Variants in FRMD4B observed in about 807,000 individuals in gnomAD.
FRMD4B encodes FERM domain containing 4B, also known as FERM domain-containing protein 4B.
A neutral mutation model predicts 141.5 loss-of-function variants in FRMD4B; 74 were observed. That is an observed-to-expected ratio of 0.52 (90% confidence interval 0.43 to 0.63). The LOEUF (loss-of-function observed/expected upper bound fraction) is 0.63. FRMD4B is among the 30% of genes least tolerant of loss of function. The probability of loss-of-function intolerance (pLI) is 0.00; values close to 1 mark genes in which losing one functional copy is unlikely to be tolerated. For synonymous variants in FRMD4B, 506 were observed against 467.9 expected (o/e 1.08, Z -1.05); for missense variants, 1,366 against 1,253.4 (o/e 1.09, Z -1.36).
At chr3:69,335,539 T>G (rs1258056290) in intron 1 of FRMD4B, among the ~76,000 whole-genome samples, 1 of 151,750 alleles carries the variant, frequency 6.6e-6, no homozygotes, top group African/African-American at 2.4e-5. Context: ...GCCTGGCTAA[T>G]TTTTGCATCC....
At chr3:69,372,833 A>G (rs1703864930) in intron 1 of FRMD4B, among the ~76,000 whole-genome samples, 1 of 152,148 alleles carries the variant, frequency 6.6e-6, no homozygotes, top group Admixed American at 6.5e-5. Context: ...ATATTCATTT[A>G]TTTTTCACCA....
chr3:69,215,282 C>CTTTTTTTTTTTTTTTTTTTT (rs1559724064), intron 11 of FRMD4B, among the ~76,000 whole-genome samples: 7 of 37,492 alleles, frequency 1.9e-4, no homozygotes, highest in East Asian at 1.7e-3. Context: ...GATTGTGACC[C>CTTTTTTTTTTTTTTTTTTTT]TCTTTTTTTT....
At chr3:69,214,576 C>G (rs2093119967) in intron 11 of FRMD4B, among the ~76,000 whole-genome samples, 1 of 152,122 alleles carries the variant, frequency 6.6e-6, no homozygotes, top group African/African-American at 2.4e-5. Flanking sequence ...GAAGCAGATT[C>G]AGCTGAGCAC....
intron 1 of FRMD4B, among the ~76,000 whole-genome samples, chr3:69,520,567 T>C (rs1455281983): frequency 6.6e-6 from 1 of 151,820 alleles, no homozygotes; most frequent in Non-Finnish European, 1.5e-5. Context: ...TGGCATGGGA[T>C]GGCTGCTGGA....
At chr3:69,536,136 T>G in intron 1 of FRMD4B, 1 of 498,748 alleles carries the variant, frequency 2.0e-6, no homozygotes, top group Non-Finnish European at 3.8e-6. Flanking sequence ...GCACCTGGCT[T>G]GGGAGGAGCC....
chr3:69,469,192 G>A (rs1705845679), intron 1 of FRMD4B, among the ~76,000 whole-genome samples: 1 of 152,078 alleles, frequency 6.6e-6, no homozygotes, highest in Non-Finnish European at 1.5e-5. Context: ...CCATTTGCCG[G>A]TTCTATTACT....
At chr3:69,207,965 C>T (rs1188905467) in intron 11 of FRMD4B, among the ~76,000 whole-genome samples, 5 of 152,054 alleles carry the variant, frequency 3.3e-5, no homozygotes, top group Admixed American at 3.3e-4. Flanking sequence ...CTGTAACTTC[C>T]GCTTCCTGGG....
intron 1 of FRMD4B, among the ~76,000 whole-genome samples, chr3:69,381,518 CT>C (rs1039186160): frequency 2.6e-5 from 4 of 151,996 alleles, no homozygotes; most frequent in African/African-American, 9.7e-5. Flanking sequence ...AAAATGACAC[CT>C]TTTTATCAAC....
Position 69,484,135 on chromosome 3 carries a change from A to T in FRMD4B, c.-128-51374T>A, listed in dbSNP as rs140397724. ...AGCAAGGCGTAGGATGTTTTGAGCA[A>T]GGGATGGGAGGTTAAAATAATCTTA... On this transcript the variant is annotated intron_variant, in intron 1 of 5. Coordinates refer to the FRMD4B transcript ENST00000459638. Among the ~76,000 whole-genome samples the T allele has an allele frequency of 9.8e-5, 15 of 152,316 alleles. No individual in the cohort carries two copies. The East Asian group carries it at 2.9e-3, about 29-fold the overall frequency.
chr3:69,359,031 C>T (rs1000055721), intron 1 of FRMD4B, among the ~76,000 whole-genome samples: 2 of 152,054 alleles, frequency 1.3e-5, no homozygotes, highest in East Asian at 1.9e-4. Flanking sequence ...TGGTATTTGG[C>T]TATAGACACA....
intron 8 of FRMD4B, among the ~76,000 whole-genome samples, chr3:69,224,236 G>T (rs1438981658): frequency 6.6e-6 from 1 of 152,116 alleles, no homozygotes; most frequent in Non-Finnish European, 1.5e-5. Flanking sequence ...CTGATCCAAG[G>T]AAATCTGTAT....
At chr3:69,188,038 A>T (rs1052789873) in intron 18 of FRMD4B, 121 bp from the exon 19 acceptor site, 1 of 655,986 alleles carries the variant, frequency 1.5e-6, no homozygotes, top group Non-Finnish European at 2.7e-6. Context: ...TCTTCCAAAG[A>T]TGATATTTTT....
At chr3:69,402,827 C>T (rs1422613816) in intron 2 of FRMD4B, among the ~76,000 whole-genome samples, 1 of 151,946 alleles carries the variant, frequency 6.6e-6, no homozygotes, top group Non-Finnish European at 1.5e-5. Flanking sequence ...ACATGACAGA[C>T]AGTAAATCAA....
At chr3:69,334,472 A>T (rs1223362364) in intron 1 of FRMD4B, 2 of 135,144 alleles carry the variant, frequency 1.5e-5, no homozygotes, top group African/African-American at 7.1e-5. Context: ...TATCTCTACA[A>T]AAAAAAAAAA....
intron 11 of FRMD4B, 86 bp downstream of exon 11, chr3:69,216,177 C>A (rs984943852): frequency 5.4e-5 from 40 of 747,520 alleles, no homozygotes; most frequent in Non-Finnish European, 8.1e-5. Context: ...AAAACCCCAA[C>A]AACCTAATGG....
At position 69,245,220 on chromosome 3, in the gene FRMD4B, A is replaced by G. The variant is rs111258829; in HGVS notation, c.581+4006T>C. 6.7e-4 allele frequency among the ~76,000 whole-genome samples: 102 copies of G among 152,308 alleles called. 1 individual carries two copies. The highest frequency in any genetic ancestry group is 2.2e-3 in the African/African-American group (93 of 41,564). On this transcript the variant is annotated intron_variant, in intron 7 of 22. Coordinates refer to ENST00000398540, the MANE Select transcript of FRMD4B (RefSeq NM_015123.3). ...GTTCAAGATTACACAGGTAATAAGT[A>G]GCCAAGCTGGCATTTGAATCAGGCT... is the stretch of plus-strand genomic sequence containing the variant.
intron 1 of FRMD4B, among the ~76,000 whole-genome samples, chr3:69,507,628 T>G (rs1488935896): frequency 6.6e-6 from 1 of 152,206 alleles, no homozygotes; most frequent in Non-Finnish European, 1.5e-5. Context: ...CTGTAGGGGG[T>G]ACCCTTGTAC....
intron 1 of FRMD4B, among the ~76,000 whole-genome samples, chr3:69,362,992 TAAAAAAA>T (rs11305538): frequency 6.7e-6 from 1 of 150,028 alleles, no homozygotes. Context: ...CTTTTTACAG[TAAAAAAA>T]AAAAAAACAA....
At chr3:69,433,062 C>G (rs1056544168) in intron 1 of FRMD4B, 6 of 152,082 alleles carry the variant, frequency 3.9e-5, no homozygotes, top group Non-Finnish European at 7.4e-5. Flanking sequence ...GGAGGAGATT[C>G]TGAAGTGCTC....
Sources: allele counts gnomAD v4.1 joint callset (sites outside exome capture counted in the v4.1 genomes callset), GRCh38; gene constraint gnomAD v4.1.1; transcripts MANE v1.5; gene names NCBI Gene and HGNC (gene_info 2026-07-23, HGNC 2026-07-21).